The following LIMCH1 variants were observed in gnomAD, a reference collection of about 807,000 sequenced individuals.
LIMCH1 encodes LIM and calponin homology domains 1, also known as LIM and calponin homology domains-containing protein 1.
A neutral mutation model predicts 176.5 loss-of-function variants in LIMCH1; 113 were observed. The observed-to-expected ratio is 0.64, with a 90% CI of 0.55 to 0.75. The LOEUF (loss-of-function observed/expected upper bound fraction) is 0.75, where lower values mean the gene tolerates loss of function less well. Among genes scored for constraint, LIMCH1 ranks in the 30% least tolerant of loss-of-function variants. The pLI is 0.00. For missense variants in LIMCH1, 1,674 were observed against 1,814.9 expected (o/e 0.92, Z 1.41); for synonymous variants, 619 against 645.9 (o/e 0.96, Z 0.63).
intron 4 of LIMCH1, 126 bp from the exon 5 acceptor site, chr4:41,613,340 G>T: frequency 1.2e-6 from 1 of 850,774 alleles, no homozygotes; most frequent in Non-Finnish European, 1.8e-6. Flanking sequence ...TCCTGTAACT[G>T]GTTTCCACAA....
chr4:41,528,671 T>A (rs1440772948), intron 3 of LIMCH1, among the ~76,000 whole-genome samples: 1 of 152,152 alleles, frequency 6.6e-6, no homozygotes, highest in Non-Finnish European at 1.5e-5. Flanking sequence ...ATCTGAGAAG[T>A]GTGGCCAGAG....
At chr4:41,391,953 G>A (rs369297010) in intron 1 of LIMCH1, among the ~76,000 whole-genome samples, 53 of 152,144 alleles carry the variant, frequency 3.5e-4, no homozygotes, top group Admixed American at 9.8e-4. Context: ...GAACATATGA[G>A]AACTCTCTTT....
At chr4:41,518,246 G>A (rs1048090446) in intron 2 of LIMCH1, among the ~76,000 whole-genome samples, 1 of 152,032 alleles carries the variant, frequency 6.6e-6, no homozygotes, top group Non-Finnish European at 1.5e-5. Context: ...AATTCCTAAC[G>A]TCTAGATGGT....
At chr4:41,402,741 C>G (rs1377686930) in intron 1 of LIMCH1, among the ~76,000 whole-genome samples, 1 of 145,892 alleles carries the variant, frequency 6.9e-6, no homozygotes, top group South Asian at 2.2e-4. Context: ...AAACCAAACA[C>G]CGCATGTTCT....
intron 1 of LIMCH1, among the ~76,000 whole-genome samples, chr4:41,380,777 G>A (rs1222876792): frequency 6.6e-6 from 1 of 152,294 alleles, no homozygotes; most frequent in Non-Finnish European, 1.5e-5. Flanking sequence ...ATGTGGGGGT[G>A]TGTGAAGAGA....
chr4:41,645,662 A>C (rs1375868494), intron 15 of LIMCH1, among the ~76,000 whole-genome samples: 3 of 152,194 alleles, frequency 2.0e-5, no homozygotes, highest in Non-Finnish European at 2.9e-5. Context: ...ATACATATAG[A>C]ATCACCAGAT....
chr4:41,506,215 TG>T (rs1272527604), intron 2 of LIMCH1, among the ~76,000 whole-genome samples: 2 of 152,224 alleles, frequency 1.3e-5, no homozygotes, highest in Non-Finnish European at 2.9e-5. Flanking sequence ...GTTGCTGAAA[TG>T]ATTTTCCAAA....
chr4:41,579,841 G>A (rs6827959), intron 1 of LIMCH1, among the ~76,000 whole-genome samples: 11,093 of 152,138 alleles, frequency 0.073, 1,300 homozygotes, highest in African/African-American at 0.25. Flanking sequence ...GTTTCTCAAT[G>A]CTTCATGGTC....
chr4:41,596,023 T>C (rs1211581555), intron 1 of LIMCH1, among the ~76,000 whole-genome samples: 8 of 143,864 alleles, frequency 5.6e-5, no homozygotes, highest in Admixed American at 5.5e-4. Flanking sequence ...CACTCCAGCC[T>C]GGGTGACAGA....
In LIMCH1 at chr4:41,548,695, G is replaced by A. The variant is rs139988193; in HGVS notation, c.-241+10345G>A. ...ATATTGAGGAACAGTATTCAATTTT[G>A]TCTCTTTGCCAGTGGCTGCTCTCAC... On this transcript the variant is annotated intron_variant, in intron 1 of 31. Transcript: ENST00000503057. Among the ~76,000 whole-genome samples, 691 of 152,224 alleles carry A rather than the reference G, an allele frequency of 4.5e-3. 1 individual carries two copies. The highest frequency in any genetic ancestry group is 6.6e-3 in the Admixed American group (101 of 15,284).
intron 1 of LIMCH1, among the ~76,000 whole-genome samples, chr4:41,447,276 A>G (rs1459199559): frequency 6.6e-6 from 1 of 152,088 alleles, no homozygotes; most frequent in Admixed American, 6.6e-5. Flanking sequence ...ACAACAAATA[A>G]ATTTATTCAT....
At chr4:41,480,003 C>T (rs1277808435) in intron 1 of LIMCH1, among the ~76,000 whole-genome samples, 1 of 152,152 alleles carries the variant, frequency 6.6e-6, no homozygotes, top group South Asian at 2.1e-4. Flanking sequence ...GATTTAGACA[C>T]TCCAGTTATG....
intron 1 of LIMCH1, among the ~76,000 whole-genome samples, chr4:41,590,288 G>A (rs1023755217): frequency 3.3e-5 from 5 of 151,774 alleles, no homozygotes; most frequent in African/African-American, 1.2e-4. Flanking sequence ...ATAAGGTTTC[G>A]CCACATTGCC....
intron 18 of LIMCH1, among the ~76,000 whole-genome samples, chr4:41,654,593 G>A (rs1012384656): frequency 2.0e-5 from 3 of 152,160 alleles, no homozygotes; most frequent in African/African-American, 7.2e-5. Flanking sequence ...CAAAGAACAG[G>A]CAAGATCTTC....
At chr4:41,530,821 T>TAAA (rs2077197676) in intron 3 of LIMCH1, among the ~76,000 whole-genome samples, 226 of 68,058 alleles carry the variant, frequency 3.3e-3, no homozygotes, top group African/African-American at 0.026. Flanking sequence ...AAAAAAAAAT[T>TAAA]TTTTTTTTTT....
At chr4:41,636,026 C>T (rs984543513) in intron 13 of LIMCH1, among the ~76,000 whole-genome samples, 2 of 152,154 alleles carry the variant, frequency 1.3e-5, no homozygotes, top group African/African-American at 4.8e-5. Flanking sequence ...CCCACCTCAG[C>T]CTCCCAAGTA....
intron 17 of LIMCH1, among the ~76,000 whole-genome samples, chr4:41,649,805 G>A (rs1475487126): frequency 6.6e-6 from 1 of 152,140 alleles, no homozygotes; most frequent in Non-Finnish European, 1.5e-5. Flanking sequence ...ATATTTTAAT[G>A]TGCATGGTCT....
intron 1 of LIMCH1, among the ~76,000 whole-genome samples, chr4:41,399,685 C>CTTTTTTTTTTTTTTTTTTTTTTTT (rs56174007): frequency 2.1e-5 from 2 of 95,788 alleles, no homozygotes; most frequent in Non-Finnish European, 3.7e-5. Context: ...GGTGGATACT[C>CTTTTTTTTTTTTTTTTTTTTTTTT]TTTTTTTTTT....
intron 1 of LIMCH1, among the ~76,000 whole-genome samples, chr4:41,401,828 CTGTT>C (rs1019987751): frequency 3.5e-4 from 53 of 152,262 alleles, no homozygotes; most frequent in Admixed American, 9.2e-4. Flanking sequence ...ATTTGGCTCT[CTGTT>C]TGTCTGTTAT....
Sources: allele counts gnomAD v4.1 joint callset (sites outside exome capture counted in the v4.1 genomes callset), GRCh38; gene constraint gnomAD v4.1.1; transcripts MANE v1.5; gene names NCBI Gene and HGNC (gene_info 2026-07-23, HGNC 2026-07-21).